ANKH: variants seen among roughly 807,000 people sequenced by gnomAD.
The protein encoded by ANKH is mineralization regulator ANKH.
A neutral mutation model predicts 49.0 loss-of-function variants in ANKH; 15 were observed. The observed-to-expected ratio is 0.31, with a 90% CI of 0.20 to 0.47. The LOEUF (loss-of-function observed/expected upper bound fraction) is 0.47, where lower values mean the gene tolerates loss of function less well. Ranked by LOEUF, ANKH falls within the 20% of genes least tolerant of loss-of-function variation. The pLI, the probability that ANKH is intolerant of heterozygous loss-of-function variation, is 1.00. For synonymous variants in ANKH, 273 were observed against 260.0 expected (o/e 1.05, Z -0.48); for missense variants, 429 against 652.0 (o/e 0.66, Z 3.72).
chr5:14,758,420 A>G lies in ANKH; in HGVS notation c.432+60T>C. The G allele has an allele frequency of 4.8e-6, 6 of 1,256,662 alleles. No homozygotes were observed. In the South Asian group the frequency reaches 7.3e-5, roughly 15 times the overall value. 77.8% of individuals were successfully genotyped at this position (1,256,662 alleles called of 1,614,324 possible). ...TAGCTAAAATGGTAGATTTTATATT[A>G]TGTATATTTTACCACCAGTTAAAGA... On this transcript the variant is annotated intron_variant, in intron 3 of 11. Coordinates refer to ENST00000284268, the MANE Select transcript of ANKH (RefSeq NM_054027.6).
At chr5:14,755,260 G>A (rs1255971321) in intron 4 of ANKH, among the ~76,000 whole-genome samples, 1 of 152,158 alleles carries the variant, frequency 6.6e-6, no homozygotes, top group African/African-American at 2.4e-5. Flanking sequence ...AGGACAGAAA[G>A]CCAGGGCTGA....
chr5:14,822,110 T>C (rs1447906328), intron 1 of ANKH, among the ~76,000 whole-genome samples: 1 of 152,238 alleles, frequency 6.6e-6, no homozygotes, highest in African/African-American at 2.4e-5. Context: ...TGCTGTCCAA[T>C]ACAGCAACCT....
intron 11 of ANKH, 63 bp from the exon 12 acceptor site, chr5:14,711,373 G>T (rs751500002): frequency 7.1e-7 from 1 of 1,412,326 alleles, no homozygotes; most frequent in Non-Finnish European, 1.0e-6. Context: ...GCAGAACCAC[G>T]AGCAGGGAGA....
chr5:14,715,090 G>A (rs913912467), intron 9 of ANKH, among the ~76,000 whole-genome samples: 1 of 152,224 alleles, frequency 6.6e-6, no homozygotes, highest in Non-Finnish European at 1.5e-5. Flanking sequence ...AGCAAGGGCC[G>A]TTCCATCAGC....
chr5:14,794,380 C>G (rs915774466), intron 1 of ANKH, among the ~76,000 whole-genome samples: 2 of 152,234 alleles, frequency 1.3e-5, no homozygotes, highest in African/African-American at 4.8e-5. Flanking sequence ...CAGAGAGGGG[C>G]CCTGGCCGTG....
At chr5:14,802,870 A>C (rs946306217) in intron 1 of ANKH, among the ~76,000 whole-genome samples, 10 of 152,276 alleles carry the variant, frequency 6.6e-5, no homozygotes, top group Admixed American at 3.9e-4. Context: ...TGGCTTACTG[A>C]ATTACTTGGC....
At chr5:14,855,571 C>G (rs1370397919) in intron 1 of ANKH, among the ~76,000 whole-genome samples, 1 of 152,060 alleles carries the variant, frequency 6.6e-6, no homozygotes, top group Non-Finnish European at 1.5e-5. Context: ...GTCAAAACAC[C>G]ATGGTGTGTT....
intron 1 of ANKH, among the ~76,000 whole-genome samples, chr5:14,789,764 G>A (rs1740101641): frequency 6.6e-6 from 1 of 152,138 alleles, no homozygotes; most frequent in African/African-American, 2.4e-5. Flanking sequence ...TGGCTGGAGT[G>A]CAGTGGTGCG....
At chr5:14,867,480 A>G (rs1454754640) in intron 1 of ANKH, among the ~76,000 whole-genome samples, 1 of 152,250 alleles carries the variant, frequency 6.6e-6, no homozygotes, top group Non-Finnish European at 1.5e-5. Flanking sequence ...CAATGATTGT[A>G]AAGTATTTTA....
At chr5:14,838,724 A>G (rs1741732880) in intron 1 of ANKH, among the ~76,000 whole-genome samples, 1 of 152,220 alleles carries the variant, frequency 6.6e-6, no homozygotes, top group Admixed American at 6.5e-5. Flanking sequence ...GACTCTGCAC[A>G]CTTTCTGATA....
intron 1 of ANKH, among the ~76,000 whole-genome samples, chr5:14,844,551 G>A (rs1435952443): frequency 6.6e-6 from 1 of 152,156 alleles, no homozygotes; most frequent in African/African-American, 2.4e-5. Context: ...TTTTATTAGG[G>A]TGTTTTAGCT....
chr5:14,750,589 G>A (rs1306037712), intron 5 of ANKH, among the ~76,000 whole-genome samples: 1 of 152,152 alleles, frequency 6.6e-6, no homozygotes, highest in African/African-American at 2.4e-5. Context: ...ATTCTGTGTT[G>A]CCCTATGGTA....
chr5:14,858,519 A>C (rs574451948), intron 1 of ANKH, among the ~76,000 whole-genome samples: 122 of 152,194 alleles, frequency 8.0e-4, no homozygotes, highest in African/African-American at 2.6e-3. Flanking sequence ...AGTTTGAGAT[A>C]AGCCTGGCCA....
chr5:14,851,931 A>T (rs775184709), intron 1 of ANKH, among the ~76,000 whole-genome samples: 25 of 152,246 alleles, frequency 1.6e-4, no homozygotes, highest in Admixed American at 6.5e-5. Context: ...CAATGGATAC[A>T]GTTAGGTGTT....
chr5:14,781,043 C>A (rs1251794966), intron 1 of ANKH, among the ~76,000 whole-genome samples: 2 of 152,204 alleles, frequency 1.3e-5, no homozygotes, highest in African/African-American at 4.8e-5. Context: ...GGAGAATCAG[C>A]AATTTCGGAT....
At chr5:14,784,729 G>A (rs188772554) in intron 1 of ANKH, among the ~76,000 whole-genome samples, 1 of 152,268 alleles carries the variant, frequency 6.6e-6, no homozygotes, top group Non-Finnish European at 1.5e-5. Flanking sequence ...TACAGGACAA[G>A]CAGTGCAAGA....
rs866554190 is a variant in ANKH at position 14,755,900 on chromosome 5, G to A, written c.477C>T (p.Phe159=). The A allele has an allele frequency of 6.2e-7, 1 of 1,613,984 alleles. No homozygotes were observed. Among genetic ancestry groups the A allele is most frequent in the East Asian group, 2.2e-5 (1 of 44,888 alleles). Residue 159 remains phenylalanine, a synonymous_variant, in exon 4 of 12, where the codon TTC becomes TTT. Transcript: ENST00000284268. ...CTGAGATTGAGGCACATCCCACCAGGAAACTGTATTTGTGTTTTAAGAGAA... is the reference window on the plus strand; with the variant it reads ...CTGAGATTGAGGCACATCCCACCAGAAAACTGTATTTGTGTTTTAAGAGAA... ...AGILLKHKYS[F]LVGCASISDV...
At position 14,710,189 on chromosome 5, in the gene ANKH, G is replaced by C. The variant is rs143400303; in HGVS notation, c.*1008C>G. ...CGCAGAGTTATGACTAAGGATAGCA[G>C]AACCAGGTAATATATCTACTTCAAA... is the stretch of plus-strand genomic sequence containing the variant. On this transcript the variant is annotated 3_prime_UTR_variant, in exon 12 of 12. Coordinates refer to ENST00000284268, the MANE Select transcript of ANKH (RefSeq NM_054027.6). 561 of 152,298 alleles carry C rather than the reference G, an allele frequency of 3.7e-3. 4 individuals are homozygous for C. The highest frequency in any genetic ancestry group is 0.013 in the African/African-American group (529 of 41,546). 9.4% of individuals were successfully genotyped at this position (152,298 alleles called of 1,614,324 possible).
intron 1 of ANKH, among the ~76,000 whole-genome samples, chr5:14,793,251 A>C (rs1740263283): frequency 6.6e-6 from 1 of 151,152 alleles, no homozygotes; most frequent in African/African-American, 2.4e-5. Context: ...TTTGACCCTG[A>C]CATCTAAGGG....
Sources: gnomAD v4.1 joint callset for allele counts (sites outside exome capture counted in the v4.1 genomes callset) on GRCh38, gnomAD v4.1.1 for gene constraint, MANE v1.5 for transcripts, NCBI Gene and HGNC (gene_info 2026-07-23, HGNC 2026-07-21) for gene names.